Variants in GULP1 observed in about 807,000 individuals in gnomAD.
GULP1 encodes PTB domain-containing engulfment adapter protein 1.
In GULP1, 19 loss-of-function variants were observed where a neutral mutation model predicts 40.9. The ratio of observed to expected loss-of-function variants is 0.46; its 90% CI spans 0.32 to 0.68. The LOEUF is 0.68. GULP1 is among the 30% of genes least tolerant of loss of function. The pLI, the probability that GULP1 is intolerant of heterozygous loss-of-function variation, is 0.03. For missense variants in GULP1, 312 were observed against 362.2 expected, an observed-to-expected ratio of 0.86 and a Z score of 1.12; for synonymous variants, 119 against 117.6, an observed-to-expected ratio of 1.01 and a Z score of -0.08.
intron 1 of GULP1, among the ~76,000 whole-genome samples, chr2:188,363,446 A>G (rs527499489): frequency 1.3e-5 from 2 of 152,170 alleles, no homozygotes; most frequent in Non-Finnish European, 2.9e-5. Context: ...TGTAAAATTT[A>G]TCTTGAAAAT....
At chr2:188,524,313 G>A (rs1285420549) in intron 5 of GULP1, among the ~76,000 whole-genome samples, 1 of 152,004 alleles carries the variant, frequency 6.6e-6, no homozygotes, top group African/African-American at 2.4e-5. Context: ...TATTTTGCAG[G>A]ATTTTGTATG....
chr2:188,429,564 C>T (rs2056613377), intron 2 of GULP1, among the ~76,000 whole-genome samples: 1 of 152,050 alleles, frequency 6.6e-6, no homozygotes, highest in South Asian at 2.1e-4. Context: ...AGGTGTGTAC[C>T]TACGGGTCAA....
intron 7 of GULP1, among the ~76,000 whole-genome samples, chr2:188,543,485 A>G (rs1044556910): frequency 3.3e-5 from 5 of 152,154 alleles, no homozygotes; most frequent in East Asian, 1.9e-4. Flanking sequence ...TATCTTAACT[A>G]TGAGGTTTTA....
intron 4 of GULP1, among the ~76,000 whole-genome samples, chr2:188,501,839 A>C (rs1246029603): frequency 6.6e-6 from 1 of 151,936 alleles, no homozygotes; most frequent in African/African-American, 2.4e-5. Context: ...GAAAGTTGCC[A>C]AAACAGAAAA....
At position 188,595,335 on chromosome 2, in the gene GULP1, T is replaced by C. The variant is rs1464665506; in HGVS notation, c.*1324T>C. The stretch of plus-strand genomic sequence containing the variant: ...GGGGTAGCCCTCAAAAATAGATTTA[T>C]CATTTACTCATTGGAATTTTCTTCA... On this transcript the variant is annotated 3_prime_UTR_variant, in exon 12 of 12. Transcript: ENST00000409830. The C allele has an allele frequency of 6.6e-6, 1 of 150,710 alleles. No individual in the cohort carries two copies. Among genetic ancestry groups the C allele is most frequent in the Non-Finnish European group, 1.5e-5 (1 of 66,810 alleles). The allele number at this position is 150,710 out of a possible 1,614,324, so 9.3% of individuals were successfully genotyped here. A position where few individuals can be genotyped will look rare whatever the true frequency, so the allele number is the denominator to read the frequency against.
chr2:188,567,223 C>T (rs930295555), intron 7 of GULP1, among the ~76,000 whole-genome samples: 4 of 152,152 alleles, frequency 2.6e-5, no homozygotes, highest in South Asian at 2.1e-4. Context: ...GACAGTGTGG[C>T]GATTCCTCAA....
rs184908606 is a variant in GULP1, at chr2:188,518,882, G to A, written c.91-3874G>A. On this transcript the variant is annotated intron_variant, in intron 4 of 11. Coordinates refer to ENST00000409830, the MANE Select transcript of GULP1 (RefSeq NM_016315.4). ...TTTATTATCTCTATCTTTCAAAAGAGTCAGACAAGGCAGAAATTAGGGGAC... is the reference window on the plus strand; with the variant it reads ...TTTATTATCTCTATCTTTCAAAAGAATCAGACAAGGCAGAAATTAGGGGAC... Among the ~76,000 whole-genome samples, 17 of 152,260 alleles carry A rather than the reference G, an allele frequency of 1.1e-4. 1 individual carries two copies. The East Asian group carries it at 3.1e-3, about 28-fold the overall frequency.
At chr2:188,575,389 G>A (rs780290267) in intron 9 of GULP1, among the ~76,000 whole-genome samples, 16 of 152,060 alleles carry the variant, frequency 1.1e-4, no homozygotes, top group Non-Finnish European at 2.1e-4. Flanking sequence ...AGATGTTAAA[G>A]GGTTTACATC....
intron 2 of GULP1, among the ~76,000 whole-genome samples, chr2:188,475,472 G>A (rs531791526): frequency 2.6e-5 from 4 of 151,474 alleles, no homozygotes; most frequent in South Asian, 2.1e-4. Context: ...TAAAAGCCAC[G>A]CTATTGTTTA....
chr2:188,397,963 C>T (rs1208663504), intron 2 of GULP1, among the ~76,000 whole-genome samples: 1 of 152,220 alleles, frequency 6.6e-6, no homozygotes, highest in Non-Finnish European at 1.5e-5. Flanking sequence ...CAAATCTTAA[C>T]CTCCAATACT....
intron 1 of GULP1, among the ~76,000 whole-genome samples, chr2:188,346,229 A>G (rs1185695273): frequency 2.0e-5 from 3 of 152,296 alleles, no homozygotes; most frequent in Middle Eastern, 3.4e-3. Context: ...GGTTAAATCC[A>G]TGTAATGATC....
intron 2 of GULP1, among the ~76,000 whole-genome samples, chr2:188,426,919 A>G (rs2056271438): frequency 6.6e-6 from 1 of 152,182 alleles, no homozygotes; most frequent in Non-Finnish European, 1.5e-5. Flanking sequence ...GTTGTGACCA[A>G]AATGCTGACA....
intron 2 of GULP1, among the ~76,000 whole-genome samples, chr2:188,454,987 C>T (rs2059143873): frequency 1.3e-5 from 2 of 151,930 alleles, no homozygotes; most frequent in Admixed American, 6.6e-5. Context: ...ACAAAATTAA[C>T]CAGGTATGAG....
chr2:188,460,889 T>A (rs1045472164), intron 2 of GULP1, among the ~76,000 whole-genome samples: 5 of 152,202 alleles, frequency 3.3e-5, no homozygotes, highest in Admixed American at 3.3e-4. Flanking sequence ...TCAATTGCAA[T>A]GATTGTATGG....
chr2:188,396,753 C>T (rs766839439), intron 2 of GULP1, among the ~76,000 whole-genome samples: 6 of 152,178 alleles, frequency 3.9e-5, no homozygotes, highest in Non-Finnish European at 5.9e-5. Context: ...TTGTAAATTT[C>T]AGTTGGGAAC....
chr2:188,494,828 CTCTT>C (rs1399216432), intron 4 of GULP1, among the ~76,000 whole-genome samples: 2 of 151,818 alleles, frequency 1.3e-5, no homozygotes, highest in Non-Finnish European at 2.9e-5. Context: ...TTCTCACAAT[CTCTT>C]TCCACTCTTG....
intron 1 of GULP1, among the ~76,000 whole-genome samples, chr2:188,299,311 A>G (rs1156808631): frequency 2.0e-5 from 3 of 152,156 alleles, no homozygotes; most frequent in African/African-American, 7.2e-5. Flanking sequence ...AGGGACAAGG[A>G]GATGTAAAGA....
At chr2:188,298,212 A>G (rs1028590329) in intron 1 of GULP1, among the ~76,000 whole-genome samples, 1 of 151,988 alleles carries the variant, frequency 6.6e-6, no homozygotes. Flanking sequence ...GTGTGTTATT[A>G]TAGTCATAAA....
chr2:188,414,572 C>T (rs1434508309), intron 2 of GULP1, among the ~76,000 whole-genome samples: 1 of 152,132 alleles, frequency 6.6e-6, no homozygotes, highest in Non-Finnish European at 1.5e-5. Context: ...AAGATGCTTG[C>T]CCTCCCAGAG....
Sources: gnomAD v4.1 joint callset for allele counts (sites outside exome capture counted in the v4.1 genomes callset) on GRCh38, gnomAD v4.1.1 for gene constraint, MANE v1.5 for transcripts, NCBI Gene and HGNC (gene_info 2026-07-23, HGNC 2026-07-21) for gene names.